CTNNBL1: variants seen among roughly 807,000 people sequenced by gnomAD.
CTNNBL1 encodes catenin beta like 1.
A neutral mutation model predicts 72.7 loss-of-function variants in CTNNBL1; 31 were observed. The observed-to-expected ratio is 0.43, with a 90% CI of 0.32 to 0.58. The LOEUF is 0.58. CTNNBL1 is among the 20% of genes least tolerant of loss of function. The pLI, the probability that CTNNBL1 is intolerant of heterozygous loss-of-function variation, is 0.08. For missense variants in CTNNBL1, 534 were observed against 725.1 expected (o/e 0.74, Z 3.03); for synonymous variants, 240 against 267.3 (o/e 0.90, Z 1.00).
intron 7 of CTNNBL1, among the ~76,000 whole-genome samples, chr20:37,773,157 T>C (rs534620920): frequency 6.6e-6 from 1 of 152,356 alleles, no homozygotes; most frequent in African/African-American, 2.4e-5. Flanking sequence ...AGTTAAGTTA[T>C]ATTACATGTA....
At chr20:37,756,429 TGTGTGTGTGTGCACCC>T (rs1480982128) in intron 4 of CTNNBL1, 1 of 151,462 alleles carries the variant, frequency 6.6e-6, no homozygotes, top group Non-Finnish European at 1.5e-5. Context: ...TCTCCCCCGT[TGTGTGTGTGTGCACCC>T]GTGTGTGTAT....
At chr20:37,821,395 G>GA (rs368565264) in intron 11 of CTNNBL1, among the ~76,000 whole-genome samples, 3 of 152,158 alleles carry the variant, frequency 2.0e-5, no homozygotes, top group African/African-American at 7.2e-5. Flanking sequence ...TAATCAAAAG[G>GA]AAAAAATAAA....
At chr20:37,742,089 T>C (rs1393181371) in intron 3 of CTNNBL1, among the ~76,000 whole-genome samples, 1 of 152,164 alleles carries the variant, frequency 6.6e-6, no homozygotes, top group Non-Finnish European at 1.5e-5. Flanking sequence ...TCTTAAAATT[T>C]CAACTCAGAA....
chr20:37,833,568 CTG>C (rs151080142), intron 11 of CTNNBL1, among the ~76,000 whole-genome samples: 1 of 151,918 alleles, frequency 6.6e-6, no homozygotes, highest in African/African-American at 2.4e-5. Flanking sequence ...CTTGTTGCTT[CTG>C]TGTGTGTGTG....
At chr20:37,787,580 G>A (rs1183812091) in intron 10 of CTNNBL1, among the ~76,000 whole-genome samples, 1 of 152,160 alleles carries the variant, frequency 6.6e-6, no homozygotes, top group Non-Finnish European at 1.5e-5. Context: ...TCCTGACCTC[G>A]TGATCCGCAC....
intron 13 of CTNNBL1, among the ~76,000 whole-genome samples, chr20:37,844,285 C>T (rs532837992): frequency 6.6e-6 from 1 of 152,126 alleles, no homozygotes; most frequent in Non-Finnish European, 1.5e-5. Context: ...CAAGCACCAC[C>T]TTTAAATCAC....
intron 1 of CTNNBL1, among the ~76,000 whole-genome samples, chr20:37,731,589 A>G (rs956291704): frequency 5.9e-5 from 9 of 152,100 alleles, no homozygotes; most frequent in African/African-American, 2.2e-4. Context: ...CTTCCTCCCC[A>G]GCCTCTGGTG....
At chr20:37,781,362 C>T (rs1235092480) in intron 10 of CTNNBL1, among the ~76,000 whole-genome samples, 2 of 152,130 alleles carry the variant, frequency 1.3e-5, no homozygotes, top group East Asian at 3.9e-4. Context: ...TGATATATTT[C>T]TGCAGCATAT....
At chr20:37,784,883 G>C (rs1253967472) in intron 10 of CTNNBL1, among the ~76,000 whole-genome samples, 1 of 152,068 alleles carries the variant, frequency 6.6e-6, no homozygotes, top group Non-Finnish European at 1.5e-5. Flanking sequence ...TTTTCTTTCA[G>C]ATTGAAGAAC....
intron 4 of CTNNBL1, among the ~76,000 whole-genome samples, chr20:37,748,035 G>C (rs2073283562): frequency 6.6e-6 from 1 of 152,136 alleles, no homozygotes; most frequent in Admixed American, 6.5e-5. Context: ...CTGTGGACAG[G>C]GTTATGTTCA....
intron 11 of CTNNBL1, among the ~76,000 whole-genome samples, chr20:37,831,797 G>GTTTT (rs2072212578): frequency 6.6e-6 from 1 of 152,164 alleles, no homozygotes; most frequent in Non-Finnish European, 1.5e-5. Flanking sequence ...TTGAGAAAAG[G>GTTTT]GAGGGCTGGT....
chr20:37,737,890 G>A (rs1422572253), intron 3 of CTNNBL1, among the ~76,000 whole-genome samples: 4 of 152,206 alleles, frequency 2.6e-5, no homozygotes, highest in Non-Finnish European at 2.9e-5. Context: ...TGGAGGACTG[G>A]TCATGTAGGC....
At chr20:37,742,950 T>A (rs2073230490) in intron 3 of CTNNBL1, among the ~76,000 whole-genome samples, 1 of 151,994 alleles carries the variant, frequency 6.6e-6, no homozygotes, top group Admixed American at 6.6e-5. Context: ...ATTACAAGTG[T>A]GCGCCACCAC....
intron 11 of CTNNBL1, among the ~76,000 whole-genome samples, chr20:37,826,095 C>T (rs540397376): frequency 6.6e-6 from 1 of 152,130 alleles, no homozygotes; most frequent in South Asian, 2.1e-4. Context: ...TGCCTTCTGC[C>T]CAAGCTCTGA....
intron 11 of CTNNBL1, among the ~76,000 whole-genome samples, chr20:37,803,385 A>T (rs2073838533): frequency 6.6e-6 from 1 of 152,226 alleles, no homozygotes; most frequent in Admixed American, 6.5e-5. Context: ...AGGTGGCAAC[A>T]CATGTCACCT....
intron 11 of CTNNBL1, among the ~76,000 whole-genome samples, chr20:37,822,560 ACT>A (rs1403745800): frequency 1.3e-5 from 2 of 151,954 alleles, no homozygotes; most frequent in Non-Finnish European, 2.9e-5. Context: ...TTCAAAATGG[ACT>A]CTCTGCTTAT....
At chr20:37,850,245 T>C (rs2072384859) in intron 13 of CTNNBL1, among the ~76,000 whole-genome samples, 2 of 152,186 alleles carry the variant, frequency 1.3e-5, no homozygotes, top group Non-Finnish European at 1.5e-5. Flanking sequence ...TGAATTTAAG[T>C]AAATTTAGAA....
At chr20:37,700,834 G>A (rs932582494) in intron 1 of CTNNBL1, among the ~76,000 whole-genome samples, 5 of 152,118 alleles carry the variant, frequency 3.3e-5, no homozygotes, top group African/African-American at 1.2e-4. Context: ...GCAAATTTGA[G>A]GCTAAGGGAC....
intron 13 of CTNNBL1, among the ~76,000 whole-genome samples, chr20:37,852,755 G>GT (rs2072408220): frequency 6.6e-6 from 1 of 152,154 alleles, no homozygotes; most frequent in Non-Finnish European, 1.5e-5. Flanking sequence ...CTTCACGACG[G>GT]TTTTTTGTAT....
Sources: gnomAD v4.1 joint callset for allele counts (sites outside exome capture counted in the v4.1 genomes callset) on GRCh38, gnomAD v4.1.1 for gene constraint, MANE v1.5 for transcripts, NCBI Gene and HGNC (gene_info 2026-07-23, HGNC 2026-07-21) for gene names.